PAG1: variants seen among roughly 807,000 people sequenced by gnomAD.
PAG1 encodes the protein phosphoprotein membrane anchor with glycosphingolipid microdomains 1.
PAG1 carries 23 observed loss-of-function variants against 31.7 expected under a neutral mutation model. The ratio of observed to expected loss-of-function variants is 0.73; its 90% CI spans 0.52 to 1.03. PAG1 has a LOEUF of 1.03. PAG1 is among the 50% of genes least tolerant of loss of function. The pLI is 0.00. For missense variants in PAG1, 473 were observed against 540.7 expected (o/e 0.87, Z 1.24); for synonymous variants, 214 against 210.3 (o/e 1.02, Z -0.15).
intron 1 of PAG1, among the ~76,000 whole-genome samples, chr8:81,081,568 C>T (rs535614949): frequency 6.6e-6 from 1 of 152,250 alleles, no homozygotes; most frequent in South Asian, 2.1e-4. Context: ...GTAGCCCCAC[C>T]CACTTCCCTC....
chr8:81,007,233 C>A (rs565985064), intron 3 of PAG1, among the ~76,000 whole-genome samples: 13 of 152,162 alleles, frequency 8.5e-5, no homozygotes, highest in African/African-American at 2.9e-4. Context: ...CCAACAACAT[C>A]TTCTAGAAAT....
intron 2 of PAG1, among the ~76,000 whole-genome samples, chr8:81,041,474 G>A (rs1023998411): frequency 1.3e-5 from 2 of 152,148 alleles, no homozygotes; most frequent in Non-Finnish European, 2.9e-5. Flanking sequence ...GAAGTATTGC[G>A]GGGGCTGCTG....
intron 2 of PAG1, among the ~76,000 whole-genome samples, chr8:81,050,334 A>T (rs964838458): frequency 3.3e-5 from 5 of 152,226 alleles, no homozygotes; most frequent in African/African-American, 1.2e-4. Flanking sequence ...CCCAAATGTC[A>T]GAATTTATCT....
At chr8:81,047,190 T>C (rs1808655874) in intron 2 of PAG1, among the ~76,000 whole-genome samples, 1 of 152,228 alleles carries the variant, frequency 6.6e-6, no homozygotes, top group African/African-American at 2.4e-5. Context: ...AACAATTTAC[T>C]TTTCTTTGGG....
At chr8:81,097,763 G>A (rs73692373) in intron 1 of PAG1, among the ~76,000 whole-genome samples, 2,141 of 151,402 alleles carry the variant, frequency 0.014, 58 homozygotes, top group African/African-American at 0.048. Context: ...CCTGGTACAC[G>A]CTTCTGAGTG....
intron 2 of PAG1, among the ~76,000 whole-genome samples, chr8:81,038,155 T>G (rs901642267): frequency 3.9e-5 from 6 of 152,292 alleles, no homozygotes; most frequent in African/African-American, 1.4e-4. Flanking sequence ...GTTGTGTGAA[T>G]GGGTATGCAT....
At chr8:80,983,422 G>A (rs1807347970) in intron 7 of PAG1, among the ~76,000 whole-genome samples, 1 of 152,118 alleles carries the variant, frequency 6.6e-6, no homozygotes, top group South Asian at 2.1e-4. Flanking sequence ...GTTCCACAGG[G>A]CAGGGATTTT....
chr8:81,068,321 T>A (rs1183904622), intron 2 of PAG1, among the ~76,000 whole-genome samples: 1 of 152,218 alleles, frequency 6.6e-6, no homozygotes, highest in Admixed American at 6.5e-5. Context: ...AATTTCAAAT[T>A]AAAACATCAT....
intron 2 of PAG1, among the ~76,000 whole-genome samples, chr8:81,065,167 A>G (rs1808982971): frequency 6.6e-6 from 1 of 152,208 alleles, no homozygotes; most frequent in Admixed American, 6.5e-5. Flanking sequence ...CAATGGCACA[A>G]TTTCTAAGAA....
intron 1 of PAG1, among the ~76,000 whole-genome samples, 178 bp from the exon 2 acceptor site, chr8:81,070,348 G>A (rs1668436702): frequency 6.6e-6 from 1 of 152,184 alleles, no homozygotes; most frequent in Non-Finnish European, 1.5e-5. Flanking sequence ...ATAAAAGAAT[G>A]TTAAAAAGCA....
At chr8:81,070,373 C>T (rs959985771) in intron 1 of PAG1, among the ~76,000 whole-genome samples, 3 of 152,186 alleles carry the variant, frequency 2.0e-5, no homozygotes, top group Admixed American at 6.5e-5. Context: ...CTAAAACCTG[C>T]TCTTAAAACA....
chr8:80,969,447 A>AT lies in PAG1; in HGVS notation c.*7096dup, dbSNP rs772778825. On this transcript the variant is annotated 3_prime_UTR_variant, in exon 9 of 9. Coordinates refer to ENST00000220597, the MANE Select transcript of PAG1 (RefSeq NM_018440.4). Reference sequence around the variant, plus strand: ...TCACTACCTAAATGAGGAGCTAAAGATTAAAAAAAAAATTCTCTTTAAGCT... The same window carrying AT: ...TCACTACCTAAATGAGGAGCTAAAGATTTAAAAAAAAAATTCTCTTTAAGCT... The AT allele has an allele frequency of 1.3e-5, 2 of 152,174 alleles. No homozygotes were observed. Among genetic ancestry groups the AT allele is most frequent in the African/African-American group, 2.4e-5 (1 of 41,440 alleles). 9.4% of individuals were successfully genotyped at this position (152,174 alleles called of 1,614,324 possible).
chr8:80,983,360 T>C (rs1405387470), intron 7 of PAG1, among the ~76,000 whole-genome samples: 1 of 152,232 alleles, frequency 6.6e-6, no homozygotes, highest in Non-Finnish European at 1.5e-5. Context: ...GTTCTATTTT[T>C]TTCTCTTATA....
At chr8:81,054,213 G>A (rs1808777730) in intron 2 of PAG1, among the ~76,000 whole-genome samples, 1 of 152,076 alleles carries the variant, frequency 6.6e-6, no homozygotes, top group African/African-American at 2.4e-5. Flanking sequence ...TTCCCATTCT[G>A]TTCAATAAGG....
rs779352160 is a variant in PAG1 at position 80,991,531 on chromosome 8, CTGAAA to C, written c.126-6_126-2del. On this transcript the variant is annotated splice_acceptor_variant and splice_polypyrimidine_tract_variant and intron_variant, in intron 4 of 8. Coordinates refer to ENST00000220597, the MANE Select transcript of PAG1 (RefSeq NM_018440.4). LOFTEE classifies it high-confidence loss of function. ...ACTATGCTGTCGCGGCTTCTTTTCC[CTGAAA>C]TGAAAAGTGAAATGTTGTAATGTCA... The C allele has an allele frequency of 1.9e-5, 31 of 1,611,508 alleles. No individual in the cohort carries two copies. The highest frequency in any genetic ancestry group is 4.4e-5 in the South Asian group (4 of 91,038).
chr8:81,084,051 G>C (rs1234160271), intron 1 of PAG1, among the ~76,000 whole-genome samples: 1 of 151,904 alleles, frequency 6.6e-6, no homozygotes, highest in African/African-American at 2.4e-5. Context: ...AAAAAAAAGG[G>C]AATATGTGAG....
intron 2 of PAG1, among the ~76,000 whole-genome samples, chr8:81,034,773 A>C (rs1808435096): frequency 6.6e-6 from 1 of 152,178 alleles, no homozygotes; most frequent in Admixed American, 6.5e-5. Flanking sequence ...CACCTATTTA[A>C]AGAAGTTCCT....
intron 2 of PAG1, among the ~76,000 whole-genome samples, chr8:81,048,000 G>A (rs1166899751): frequency 1.3e-5 from 2 of 152,124 alleles, no homozygotes; most frequent in African/African-American, 4.8e-5. Context: ...CACCATTTCC[G>A]AAAGCTCCTT....
At position 81,046,883 on chromosome 8, in the gene PAG1, C is replaced by T. The variant is rs138840097; in HGVS notation, c.-174-16794G>A. On this transcript the variant is annotated intron_variant, in intron 2 of 8. Coordinates refer to ENST00000220597, the MANE Select transcript of PAG1 (RefSeq NM_018440.4). ...CCGGCAGGTCCCAGTATAGGCTGTT[C>T]CCCCCATGTATCCATGTGTTCTTAT... Among the ~76,000 whole-genome samples, 948 of 152,122 alleles carry T rather than the reference C, an allele frequency of 6.2e-3. 8 individuals are homozygous for T. Among genetic ancestry groups the T allele is most frequent in the African/African-American group, 0.022 (903 of 41,476 alleles).
Sources: gnomAD v4.1 joint callset for allele counts (sites outside exome capture counted in the v4.1 genomes callset) on GRCh38, gnomAD v4.1.1 for gene constraint, MANE v1.5 for transcripts, NCBI Gene and HGNC (gene_info 2026-07-23, HGNC 2026-07-21) for gene names.